Variants in OSBPL2 observed in about 807,000 individuals in gnomAD.
OSBPL2 encodes oxysterol-binding protein-related protein 2.
Under a neutral mutation model 58.4 loss-of-function variants are expected in OSBPL2, and 18 were observed. The observed-to-expected ratio is 0.31, with a 90% confidence interval of 0.21 to 0.46. The LOEUF is 0.46. Ranked by LOEUF, OSBPL2 falls within the 20% of genes least tolerant of loss-of-function variation. The probability of loss-of-function intolerance (pLI) is 1.00; values close to 1 mark genes in which losing one functional copy is unlikely to be tolerated. For synonymous variants in OSBPL2, 221 were observed against 234.1 expected, an observed-to-expected ratio of 0.94 and a Z score of 0.51; for missense variants, 461 against 616.5, an observed-to-expected ratio of 0.75 and a Z score of 2.67.
intron 4 of OSBPL2, 87 bp from the exon 5 acceptor site, chr20:62,272,038 T>C (rs1601180591): frequency 6.6e-7 from 1 of 1,515,808 alleles, no homozygotes; most frequent in African/African-American, 1.4e-5. Flanking sequence ...TGCGGCTCCA[T>C]GAAGGGATGC....
In OSBPL2 at chr20:62,269,103, G is replaced by C. The variant is rs1188181064; in HGVS notation, c.259-3022G>C. On this transcript the variant is annotated intron_variant, in intron 4 of 13. Coordinates refer to ENST00000313733, the MANE Select transcript of OSBPL2 (RefSeq NM_144498.4). The surrounding 1 kb of genome is among the most constrained non-coding windows in gnomAD (Gnocchi z 4.2). ...TTTTGTAGAGACGGGGTCTCACTTT[G>C]TTGCCCAGGCTGGTCTTAAACTCCT... 6.6e-6 allele frequency among the ~76,000 whole-genome samples: 1 copy of C among 151,822 alleles called. No homozygotes were observed. The highest frequency in any genetic ancestry group is 2.1e-4 in the South Asian group (1 of 4,816).
intron 6 of OSBPL2, among the ~76,000 whole-genome samples, chr20:62,276,317 C>T (rs1982386323): frequency 6.6e-6 from 1 of 152,210 alleles, no homozygotes. Context: ...AGTGCGTGCC[C>T]ATGTTTGTCC....
chr20:62,251,980 C>G (rs910029928), intron 1 of OSBPL2, among the ~76,000 whole-genome samples: 1 of 138,204 alleles, frequency 7.2e-6, no homozygotes, highest in Non-Finnish European at 1.5e-5. Context: ...GTCCCAGGCT[C>G]GAGTGATCCT....
At position 62,239,540 on chromosome 20, in the gene OSBPL2, C is replaced by T. The variant is rs529207634; in HGVS notation, c.-129+943C>T. The stretch of plus-strand genomic sequence containing the variant: ...GGACAGGCCCTGGCCTAGCCTGGCT[C>T]CGGCAGCTTTGGGATGACTGCCCGG... On this transcript the variant is annotated intron_variant, in intron 1 of 13. Coordinates refer to ENST00000313733, the MANE Select transcript of OSBPL2 (RefSeq NM_144498.4). Among the ~76,000 whole-genome samples the T allele has an allele frequency of 2.0e-5, 3 of 152,304 alleles. No homozygotes were observed. The East Asian group carries it at 5.8e-4, about 29-fold the overall frequency.
chr20:62,280,649 A>T (rs927879796), intron 7 of OSBPL2, among the ~76,000 whole-genome samples: 3 of 152,176 alleles, frequency 2.0e-5, no homozygotes, highest in African/African-American at 7.2e-5. Flanking sequence ...AAGTATGTGG[A>T]GTGCGGTTGA....
rs1601212688 is a variant in OSBPL2 at position 62,295,794 on chromosome 20, T to A, written c.*1907T>A. ...GTTGCAAGCTGAGAACATCCAGAGGTGAGACTCAGACACATTGAAAGTGAC... is the reference window on the plus strand; with the variant it reads ...GTTGCAAGCTGAGAACATCCAGAGGAGAGACTCAGACACATTGAAAGTGAC... On this transcript the variant is annotated 3_prime_UTR_variant, in exon 14 of 14. Transcript: ENST00000313733. This position sits in a 1 kb window ranked among gnomAD's most constrained non-coding sequence, Gnocchi z 4.8. The A allele has an allele frequency of 2.6e-5, 4 of 152,230 alleles. No individual in the cohort carries two copies. In the South Asian group the frequency reaches 8.3e-4, roughly 32 times the overall value. 9.4% of individuals were successfully genotyped at this position (152,230 alleles called of 1,614,324 possible).
At position 62,289,317 on chromosome 20, in the gene OSBPL2, G is replaced by T. The variant is rs1195444649; in HGVS notation, c.1236G>T (p.Glu412Asp). ...CRLRPDIRGM[E>D]NGNMDLASQE... ...TGCGCCCTGACATCCGCGGCATGGA[G>T]AATGGCAACATGGGTGCGTCCACGC... Residue 412 changes from glutamate (E) to aspartate (D), a missense_variant, in exon 12 of 14, where the codon GAG becomes GAT. Glu to Asp is a conservative substitution (Grantham distance 45, BLOSUM62 2). Coordinates refer to ENST00000313733, the MANE Select transcript of OSBPL2 (RefSeq NM_144498.4). 4 of 1,612,810 alleles carry T rather than the reference G, an allele frequency of 2.5e-6. No homozygotes were observed. The highest frequency in any genetic ancestry group is 3.4e-6 in the Non-Finnish European group (4 of 1,179,394).
At chr20:62,289,802 G>A (rs1325543110) in intron 12 of OSBPL2, among the ~76,000 whole-genome samples, 1 of 152,102 alleles carries the variant, frequency 6.6e-6, no homozygotes, top group African/African-American at 2.4e-5. Context: ...CTTCTAGGGA[G>A]GCTGAGGCAT....
intron 6 of OSBPL2, chr20:62,278,344 CATT>C (rs1217791322): frequency 6.8e-6 from 1 of 146,490 alleles, no homozygotes; most frequent in Non-Finnish European, 1.4e-5. Context: ...CTGTTGCCAA[CATT>C]AGGCCAAGTG....
chr20:62,279,967 G>A, intron 7 of OSBPL2: 2 of 1,303,920 alleles, frequency 1.5e-6, no homozygotes, highest in Non-Finnish European at 1.0e-6. Context: ...GAGGCTGCTT[G>A]CCACCCCTCT....
chr20:62,291,598 T>TG (rs1983513344), intron 12 of OSBPL2, 105 bp from the exon 13 acceptor site: 4 of 949,072 alleles, frequency 4.2e-6, no homozygotes, highest in Non-Finnish European at 6.8e-6. Context: ...TCTGTGGCAT[T>TG]CCAGCCACAG....
intron 10 of OSBPL2, chr20:62,286,257 T>C (rs1357879168): frequency 1.1e-5 from 2 of 189,858 alleles, no homozygotes; most frequent in Non-Finnish European, 2.2e-5. Flanking sequence ...AAGACCAGCC[T>C]GGCTAACATA....
chr20:62,264,527 T>A (rs1476665358), intron 4 of OSBPL2: 1 of 152,228 alleles, frequency 6.6e-6, no homozygotes, highest in African/African-American at 2.4e-5. Flanking sequence ...CCAGACCATG[T>A]CTTCTAGTGC....
At chr20:62,279,585 G>T in intron 7 of OSBPL2, 1 of 547,360 alleles carries the variant, frequency 1.8e-6, no homozygotes, top group South Asian at 2.3e-5. Flanking sequence ...TGTATGACCA[G>T]GGTCCCATGT....
chr20:62,252,257 T>C (rs1431909212), intron 1 of OSBPL2, among the ~76,000 whole-genome samples: 1 of 152,102 alleles, frequency 6.6e-6, no homozygotes, highest in Non-Finnish European at 1.5e-5. Flanking sequence ...ATGTAACATG[T>C]ACGATAGGTT....
At chr20:62,253,577 G>T (rs1308325306) in intron 1 of OSBPL2, among the ~76,000 whole-genome samples, 1 of 152,142 alleles carries the variant, frequency 6.6e-6, no homozygotes, top group African/African-American at 2.4e-5. Flanking sequence ...GCAATGTGCA[G>T]GCTCCTCGTT....
Position 62,282,011 on chromosome 20 carries a change from G to A in OSBPL2, c.872+132G>A, listed in dbSNP as rs1982825431. 5.8e-6 allele frequency: 3 copies of A among 519,270 alleles called. No homozygotes were observed. In the Admixed American group the frequency reaches 9.4e-5, roughly 16 times the overall value. 32.2% of individuals were successfully genotyped at this position (519,270 alleles called of 1,614,324 possible). Reference sequence around the variant, plus strand: ...GGTACACCAGTGCCATCTGTTCATGGTCCAGAAGTATGACTCTTTTTTGTT... The same window carrying A: ...GGTACACCAGTGCCATCTGTTCATGATCCAGAAGTATGACTCTTTTTTGTT... On this transcript the variant is annotated intron_variant, in intron 9 of 13. Coordinates refer to ENST00000313733, the MANE Select transcript of OSBPL2 (RefSeq NM_144498.4).
At position 62,288,413 on chromosome 20, in the gene OSBPL2, G is replaced by T. The variant is rs545694064; in HGVS notation, c.1126-794G>T. Among the ~76,000 whole-genome samples the T allele has an allele frequency of 6.6e-6, 1 of 151,908 alleles. No homozygotes were observed. Among genetic ancestry groups the T allele is most frequent in the Admixed American group, 6.5e-5 (1 of 15,268 alleles). ...GGGTGCAGAGGCTGGGAGGCTGTGGGTGCAGAGGCTGGGAGGCTATGGGTG... is the reference window on the plus strand; with the variant it reads ...GGGTGCAGAGGCTGGGAGGCTGTGGTTGCAGAGGCTGGGAGGCTATGGGTG... On this transcript the variant is annotated intron_variant, in intron 11 of 13. Transcript: ENST00000313733. The surrounding 1 kb of genome is among the most constrained non-coding windows in gnomAD (Gnocchi z 4.8).
chr20:62,246,033 G>C (rs1277701551), intron 1 of OSBPL2, among the ~76,000 whole-genome samples: 2 of 152,260 alleles, frequency 1.3e-5, no homozygotes, highest in Non-Finnish European at 2.9e-5. Flanking sequence ...TGGGGTTGGT[G>C]TTTGAGAGGT....
Sources: gnomAD v4.1 joint callset for allele counts (sites outside exome capture counted in the v4.1 genomes callset) on GRCh38, gnomAD v4.1.1 for gene constraint, Gnocchi (gnomAD v3.1) non-coding constraint, MANE v1.5 for transcripts, NCBI Gene and HGNC (gene_info 2026-07-23, HGNC 2026-07-21) for gene names.